Variants in CCNY observed in about 807,000 individuals in gnomAD.
The protein encoded by CCNY is cyclin-Y.
Under a neutral mutation model 42.8 loss-of-function variants are expected in CCNY, and 19 were observed. That is an observed-to-expected ratio of 0.44 (90% CI 0.31 to 0.65). The LOEUF (loss-of-function observed/expected upper bound fraction) is 0.65, where lower values mean the gene tolerates loss of function less well. Among genes scored for constraint, CCNY ranks in the 30% least tolerant of loss-of-function variants. CCNY has a pLI of 0.07. For synonymous variants in CCNY, 165 were observed against 162.7 expected (o/e 1.01, Z -0.11); for missense variants, 370 against 437.3 (o/e 0.85, Z 1.37).
exon 2 of CCNY, chr10:35,248,201 T>A (rs2095709551): frequency 6.6e-6 from 1 of 152,372 alleles, no homozygotes; most frequent in African/African-American, 2.4e-5. Context: ...CCCAGAGCTT[T>A]TTGCTACCAG....
At chr10:35,518,011 C>G (rs1257840949) in intron 4 of CCNY, among the ~76,000 whole-genome samples, 3 of 152,226 alleles carry the variant, frequency 2.0e-5, no homozygotes, top group African/African-American at 7.2e-5. Context: ...GCTAACTTCC[C>G]TTTAATCCTG....
intron 1 of CCNY, among the ~76,000 whole-genome samples, chr10:35,337,697 C>G (rs546374704): frequency 6.6e-6 from 1 of 152,210 alleles, no homozygotes; most frequent in Non-Finnish European, 1.5e-5. Flanking sequence ...CGGAACCTTA[C>G]AAATGGACTC....
rs145209283 is a variant in CCNY, at chr10:35,525,913, A to G, written c.366-51A>G. 2.8e-4 allele frequency: 426 copies of G among 1,530,540 alleles called. 4 individuals carry two copies. In the East Asian group the frequency reaches 8.5e-3, roughly 30 times the overall value. The allele number at this position is 1,530,540 out of a possible 1,614,324, so 94.8% of individuals were successfully genotyped here. ...TCAGACTGTGGCCAGGTAATGTGTA[A>G]GGTCTTGAATATGCTCATGGACACT... On this transcript the variant is annotated intron_variant, in intron 4 of 9. Transcript: ENST00000374704.
At chr10:35,479,500 G>A (rs1238742447) in intron 1 of CCNY, among the ~76,000 whole-genome samples, 10 of 133,482 alleles carry the variant, frequency 7.5e-5, no homozygotes, top group East Asian at 2.1e-4. Flanking sequence ...GTAAACTATC[G>A]CAAGAACAAA....
chr10:35,465,449 T>C (rs1250029000), intron 1 of CCNY, among the ~76,000 whole-genome samples: 1 of 152,242 alleles, frequency 6.6e-6, no homozygotes, highest in East Asian at 1.9e-4. Flanking sequence ...TCACATTTTC[T>C]TTTAATGAAT....
intron 5 of CCNY, among the ~76,000 whole-genome samples, chr10:35,529,484 A>G (rs1050576301): frequency 3.0e-4 from 46 of 152,320 alleles, no homozygotes; most frequent in African/African-American, 1.0e-3. Context: ...TCCTTGGGCT[A>G]TTTTAATCAT....
chr10:35,492,415 T>C (rs1446334255), intron 2 of CCNY, among the ~76,000 whole-genome samples: 1 of 152,246 alleles, frequency 6.6e-6, no homozygotes, highest in Non-Finnish European at 1.5e-5. Context: ...GGAACACCTC[T>C]GAAATCAGCA....
At chr10:35,320,622 A>G (rs1835810075) in intron 3 of CCNY, among the ~76,000 whole-genome samples, 1 of 152,196 alleles carries the variant, frequency 6.6e-6, no homozygotes, top group Non-Finnish European at 1.5e-5. Flanking sequence ...TAGCCAGTAC[A>G]ATAGGCAAGA....
intron 1 of CCNY, among the ~76,000 whole-genome samples, chr10:35,469,318 C>T (rs1401898566): frequency 6.6e-6 from 1 of 152,258 alleles, no homozygotes; most frequent in African/African-American, 2.4e-5. Context: ...TTTAGGTTAT[C>T]TGGTCTGTGT....
chr10:35,333,283 C>T (rs965642760), upstream of CCNY, among the ~76,000 whole-genome samples: 11 of 152,264 alleles, frequency 7.2e-5, no homozygotes, highest in African/African-American at 1.9e-4. Flanking sequence ...TTTTGATTCC[C>T]GAGTGACACA....
chr10:35,443,417 G>T (rs1838718241), intron 1 of CCNY, among the ~76,000 whole-genome samples: 1 of 151,848 alleles, frequency 6.6e-6, no homozygotes, highest in Non-Finnish European at 1.5e-5. Flanking sequence ...GCTGTTTTCT[G>T]GTTTAAAATT....
intron 1 of CCNY, among the ~76,000 whole-genome samples, chr10:35,352,679 A>G (rs1284311739): frequency 6.6e-6 from 1 of 152,218 alleles, no homozygotes; most frequent in Non-Finnish European, 1.5e-5. Flanking sequence ...ATAATGATCT[A>G]TTAGGTGAGA....
At chr10:35,255,805 G>C (rs983830894) in intron 3 of CCNY, among the ~76,000 whole-genome samples, 1 of 151,824 alleles carries the variant, frequency 6.6e-6, no homozygotes, top group Admixed American at 6.6e-5. Flanking sequence ...ATGTTGCCCA[G>C]ACCGGTCTCG....
chr10:35,472,596 G>A (rs752796855), intron 1 of CCNY, among the ~76,000 whole-genome samples: 1 of 152,156 alleles, frequency 6.6e-6, no homozygotes, highest in African/African-American at 2.4e-5. Context: ...GTGATTATTT[G>A]TTGAATGAAT....
intron 3 of CCNY, among the ~76,000 whole-genome samples, chr10:35,291,469 G>A (rs1020805567): frequency 1.3e-5 from 2 of 150,894 alleles, no homozygotes; most frequent in Non-Finnish European, 2.9e-5. Context: ...AGTTGTTTGT[G>A]CTGTGTCCAC....
At chr10:35,411,369 C>T (rs1486321497) in intron 1 of CCNY, among the ~76,000 whole-genome samples, 1 of 151,946 alleles carries the variant, frequency 6.6e-6, no homozygotes, top group Non-Finnish European at 1.5e-5. Flanking sequence ...AAAAATTAGC[C>T]AGGCATAGTG....
intron 1 of CCNY, among the ~76,000 whole-genome samples, chr10:35,386,448 G>A (rs1056965422): frequency 2.0e-5 from 3 of 152,240 alleles, no homozygotes; most frequent in African/African-American, 7.2e-5. Context: ...TTCTTTAGTA[G>A]TGACTGAGTC....
At chr10:35,438,327 A>ATTTTTTTTTTTTTTTTTT (rs869157453) in intron 1 of CCNY, among the ~76,000 whole-genome samples, 1 of 148,374 alleles carries the variant, frequency 6.7e-6, no homozygotes, top group Non-Finnish European at 1.5e-5. Flanking sequence ...TAAAAAAAAA[A>ATTTTTTTTTTTTTTTTTT]TTTTTTTTTT....
At chr10:35,547,393 A>G (rs1841138557) in intron 7 of CCNY, among the ~76,000 whole-genome samples, 1 of 152,082 alleles carries the variant, frequency 6.6e-6, no homozygotes. Context: ...GGAAACCCCC[A>G]CAAAGGCCTT....
Sources: allele counts gnomAD v4.1 joint callset (sites outside exome capture counted in the v4.1 genomes callset), GRCh38; gene constraint gnomAD v4.1.1; transcripts MANE v1.5; gene names NCBI Gene and HGNC (gene_info 2026-07-23, HGNC 2026-07-21).